ISLR2: variants seen among roughly 807,000 people sequenced by gnomAD.
ISLR2 encodes the protein immunoglobulin superfamily containing leucine-rich repeat protein 2.
Under a neutral mutation model 25.5 loss-of-function variants are expected in ISLR2, and 16 were observed. That is an observed-to-expected ratio of 0.63 (90% CI 0.43 to 0.95). ISLR2 has a LOEUF of 0.95. ISLR2 is among the 40% of genes least tolerant of loss of function. The pLI, the probability that ISLR2 is intolerant of heterozygous loss-of-function variation, is 0.00. For missense variants in ISLR2, 883 were observed against 1,030.7 expected, an observed-to-expected ratio of 0.86 and a Z score of 1.96; for synonymous variants, 508 against 486.6, an observed-to-expected ratio of 1.04 and a Z score of -0.58.
upstream of ISLR2, chr15:74,128,646 G>C (rs1303181113): frequency 2.2e-6 from 1 of 456,378 alleles, no homozygotes; most frequent in Non-Finnish European, 4.4e-6. Context: ...AAAAAAGAAA[G>C]AAAGAAAATA....
chr15:74,122,915 G>T (rs2072264098), intron 2 of ISLR2, among the ~76,000 whole-genome samples: 1 of 152,118 alleles, frequency 6.6e-6, no homozygotes, highest in East Asian at 1.9e-4. Context: ...ACAGGAGGTG[G>T]TGGGGGGTTC....
chr15:74,130,870 C>T (rs2072398227), intron 1 of ISLR2, among the ~76,000 whole-genome samples: 1 of 151,662 alleles, frequency 6.6e-6, no homozygotes, highest in Admixed American at 6.6e-5. Context: ...ACAATGCCAG[C>T]GGCTGTGTAA....
At chr15:74,141,420 C>A (rs1463543222), downstream of ISLR2, among the ~76,000 whole-genome samples, 1 of 152,128 alleles carries the variant, frequency 6.6e-6, no homozygotes, top group Non-Finnish European at 1.5e-5. Flanking sequence ...TACCGAGGAA[C>A]TTCGTAAGAA....
chr15:74,113,213 C>T (rs1488940246), intron 2 of ISLR2, among the ~76,000 whole-genome samples: 1 of 152,242 alleles, frequency 6.6e-6, no homozygotes, highest in African/African-American at 2.4e-5. Flanking sequence ...GCTCGCTGTC[C>T]ACCACTCACT....
chr15:74,108,516 T>G (rs2072140494), intron 2 of ISLR2, among the ~76,000 whole-genome samples: 1 of 151,940 alleles, frequency 6.6e-6, no homozygotes, highest in African/African-American at 2.4e-5. Context: ...CCCTCAAGAA[T>G]CTGGCCCCTC....
chr15:74,116,535 C>T (rs181358633), intron 2 of ISLR2, among the ~76,000 whole-genome samples: 50 of 151,976 alleles, frequency 3.3e-4, no homozygotes, highest in African/African-American at 1.1e-3. Context: ...GTTCTTTGGT[C>T]AGAAGAAAAA....
downstream of ISLR2, among the ~76,000 whole-genome samples, chr15:74,137,241 C>T (rs776792354): frequency 6.6e-6 from 1 of 152,138 alleles, no homozygotes; most frequent in Admixed American, 6.6e-5. Context: ...CCTGAGAAGC[C>T]GGTGGGAAGA....
upstream of ISLR2, chr15:74,127,542 C>T (rs745528624): frequency 2.0e-5 from 3 of 152,410 alleles, no homozygotes; most frequent in African/African-American, 2.4e-5. Flanking sequence ...GGAAGTAAAG[C>T]CTCGGGACTT....
rs368117665 is a variant in ISLR2 at position 74,134,952 on chromosome 15, C to G, written c.2198C>G (p.Ala733Gly). The part of the protein sequence containing the change: ...LPLGAEAVNI[A>G]QEINGNYRQT... ...CTGGGCGCCGAGGCGGTCAACATCG[C>G]CCAGGAGATTAATGGCAACTACAGG... The change falls in exon 3 of 3, where the codon GCC (alanine) becomes GGC (glycine). Residue 733 changes from alanine to glycine, a missense_variant. This residue lies in a region of ISLR2 where 612 missense variants were observed against 642.8 expected (regional missense o/e 0.95). Coordinates refer to ENST00000453268, the MANE Select transcript of ISLR2 (RefSeq NM_020851.3). The G allele has an allele frequency of 5.0e-6, 8 of 1,613,738 alleles. No homozygotes were observed. Among genetic ancestry groups the G allele is most frequent in the Non-Finnish European group, 6.8e-6 (8 of 1,180,016 alleles).
intron 2 of ISLR2, among the ~76,000 whole-genome samples, chr15:74,114,432 A>G (rs1287072352): frequency 6.6e-6 from 1 of 152,220 alleles, no homozygotes; most frequent in Non-Finnish European, 1.5e-5. Context: ...GACACACAGG[A>G]AAAAATGTTT....
chr15:74,102,527 A>G (rs1230241058), intron 1 of ISLR2, among the ~76,000 whole-genome samples: 1 of 149,750 alleles, frequency 6.7e-6, no homozygotes, highest in Non-Finnish European at 1.5e-5. Flanking sequence ...CTCAAACATT[A>G]GAGTGCATCC....
intron 2 of ISLR2, chr15:74,131,778 G>A (rs986951975): frequency 6.6e-6 from 1 of 152,248 alleles, no homozygotes; most frequent in African/African-American, 2.4e-5. Context: ...CAAACATGGG[G>A]GAGAACCTCC....
downstream of ISLR2, among the ~76,000 whole-genome samples, chr15:74,141,486 G>A (rs1248761919): frequency 1.3e-5 from 2 of 152,166 alleles, no homozygotes; most frequent in Non-Finnish European, 2.9e-5. Flanking sequence ...TATCAAATGC[G>A]TCTTAATAAT....
chr15:74,129,548 G>C (rs1183230942), upstream of ISLR2: 1 of 154,556 alleles, frequency 6.5e-6, no homozygotes, highest in Non-Finnish European at 1.4e-5. The surrounding 1 kb of genome is among the most constrained non-coding windows in gnomAD (Gnocchi z 4.5). Flanking sequence ...GTTATGGCCG[G>C]TAGCTGTCTC....
At chr15:74,105,675 G>A (rs536733316) in intron 2 of ISLR2, among the ~76,000 whole-genome samples, 1 of 151,214 alleles carries the variant, frequency 6.6e-6, no homozygotes, top group East Asian at 2.0e-4. Context: ...CTTGGGCATG[G>A]CATGTGGAGC....
At chr15:74,108,479 AC>A (rs558043472) in intron 2 of ISLR2, among the ~76,000 whole-genome samples, 4 of 151,132 alleles carry the variant, frequency 2.6e-5, no homozygotes, top group Non-Finnish European at 5.9e-5. Flanking sequence ...CCGCCCCCAG[AC>A]CCCCCAAAGC....
chr15:74,141,011 A>G (rs576821806), downstream of ISLR2, among the ~76,000 whole-genome samples: 4 of 152,364 alleles, frequency 2.6e-5, no homozygotes, highest in Admixed American at 2.6e-4. Context: ...AAAGCCATCC[A>G]AAGGCCCCAT....
upstream of ISLR2, chr15:74,127,529 A>T (rs554550829): frequency 1.3e-5 from 2 of 152,464 alleles, no homozygotes; most frequent in South Asian, 4.1e-4. Flanking sequence ...CTGGGTGGGC[A>T]CGGGAAGTAA....
chr15:74,135,231 G>A lies in ISLR2; in HGVS notation c.*239G>A. 1.7e-6 allele frequency: 1 copy of A among 579,564 alleles called. No individual in the cohort carries two copies. The highest frequency in any genetic ancestry group is 3.0e-5 in the East Asian group (1 of 33,698). 35.9% of individuals were successfully genotyped at this position (579,564 alleles called of 1,614,324 possible). On this transcript the variant is annotated 3_prime_UTR_variant, in exon 3 of 3. Coordinates refer to ENST00000453268, the MANE Select transcript of ISLR2 (RefSeq NM_020851.3). Reference sequence around the variant, plus strand: ...TGAATCCCCTTCCCCGCCAAGCACAGTGTTTATCTTACCCCATGCAAGACT... The same window carrying A: ...TGAATCCCCTTCCCCGCCAAGCACAATGTTTATCTTACCCCATGCAAGACT...
Sources: allele counts gnomAD v4.1 joint callset (sites outside exome capture counted in the v4.1 genomes callset), GRCh38; gene constraint gnomAD v4.1.1; regional missense constraint gnomAD v4.1.1; non-coding constraint Gnocchi (gnomAD v3.1); transcripts MANE v1.5; gene names NCBI Gene and HGNC (gene_info 2026-07-23, HGNC 2026-07-21).